JHY: variants seen among roughly 807,000 people sequenced by gnomAD.
JHY encodes the protein junctional cadherin complex regulator, also known as jhy protein homolog.
In JHY, 69 loss-of-function variants were observed where a neutral mutation model predicts 78.0. That is an observed-to-expected ratio of 0.88 (90% CI 0.73 to 1.08). The LOEUF is 1.08. JHY is among the 50% of genes least tolerant of loss of function. The probability of loss-of-function intolerance (pLI) is 0.00; values close to 1 mark genes in which losing one functional copy is unlikely to be tolerated. For synonymous variants in JHY, 368 were observed against 342.6 expected (o/e 1.07, Z -0.82); for missense variants, 944 against 927.8 (o/e 1.02, Z -0.23).
At chr11:122,957,304 TAGAGAGCAG>T in intron 7 of JHY, 50 bp from the exon 8 acceptor site, 1 of 1,478,678 alleles carries the variant, frequency 6.8e-7, no homozygotes, top group South Asian at 1.5e-5. Context: ...TCGCTTTAAA[TAGAGAGCAG>T]AGAGAACTAG....
In JHY at chr11:122,898,494, A is replaced by C. The variant is rs1159888479; in HGVS notation, c.345-5431A>C. On this transcript the variant is annotated intron_variant, in intron 2 of 8. Coordinates refer to ENST00000227349, the MANE Select transcript of JHY (RefSeq NM_024806.4). This position sits in a 1 kb window ranked among gnomAD's most constrained non-coding sequence, Gnocchi z 4.4. ...CTTAACATTGTTCCAAGGAAAAAAA[A>C]CTGAAGACTCACAACAAACATTCCC... 3.9e-5 allele frequency among the ~76,000 whole-genome samples: 6 copies of C among 152,168 alleles called. No individual in the cohort carries two copies. Among genetic ancestry groups the C allele is most frequent in the Non-Finnish European group, 8.8e-5 (6 of 68,032 alleles).
At chr11:122,954,116 A>G (rs1337217507) in intron 6 of JHY, among the ~76,000 whole-genome samples, 1 of 152,234 alleles carries the variant, frequency 6.6e-6, no homozygotes, top group Non-Finnish European at 1.5e-5. Context: ...CAATTAGTCC[A>G]CAAGTGATTG....
At chr11:122,927,053 A>G (rs1863523888) in intron 4 of JHY, 1 of 152,260 alleles carries the variant, frequency 6.6e-6, no homozygotes, top group South Asian at 2.1e-4. Flanking sequence ...CAGTGGCAAC[A>G]TCATAACCAG....
At chr11:122,903,819 C>A in intron 2 of JHY, 106 bp from the exon 3 acceptor site, 1 of 1,416,442 alleles carries the variant, frequency 7.1e-7, no homozygotes, top group Non-Finnish European at 9.5e-7. Flanking sequence ...AAAAGGAAAA[C>A]TATAGGAGAA....
rs775934534 is a variant in JHY at position 122,885,892 on chromosome 11, C to T, written c.43C>T (p.Pro15Ser). ...AATTCCCAAGCTCTCTATTCAATCT[C>T]CTGTCCTTCATACCAACTTAAATGT... Reference protein sequence around the residue: ...KLIPKLSIQSPVLHTNLNVQS... With the variant: ...KLIPKLSIQSSVLHTNLNVQS... The change falls in exon 2 of 9, where the codon CCT (proline) becomes TCT (serine). Residue 15 changes from proline (P) to serine (S), a missense_variant. Pro to Ser is a moderately conservative substitution (Grantham distance 74, BLOSUM62 -1). Transcript: ENST00000227349. The T allele has an allele frequency of 6.2e-7, 1 of 1,614,056 alleles. No individual in the cohort carries two copies. The highest frequency in any genetic ancestry group is 1.1e-5 in the South Asian group (1 of 91,060).
intron 5 of JHY, among the ~76,000 whole-genome samples, chr11:122,943,153 G>A (rs188056101): frequency 1.3e-5 from 2 of 152,210 alleles, no homozygotes; most frequent in Non-Finnish European, 2.9e-5. Flanking sequence ...GGGATTACAG[G>A]CACAAGCCAC....
chr11:122,941,701 T>C (rs1185345830), intron 5 of JHY, among the ~76,000 whole-genome samples: 1 of 152,180 alleles, frequency 6.6e-6, no homozygotes, highest in East Asian at 1.9e-4. Flanking sequence ...AGGATTTTCT[T>C]TTCTTCTCAT....
chr11:122,913,904 G>A (rs1382444493), intron 3 of JHY, among the ~76,000 whole-genome samples: 1 of 151,638 alleles, frequency 6.6e-6, no homozygotes, highest in African/African-American at 2.4e-5. Context: ...TTTTCCTTTG[G>A]TTCAAAATTT....
intron 5 of JHY, among the ~76,000 whole-genome samples, chr11:122,940,501 A>G (rs1198940846): frequency 6.6e-6 from 1 of 152,244 alleles, no homozygotes; most frequent in Non-Finnish European, 1.5e-5. Context: ...ACTTTTTATT[A>G]CATTATACCA....
At chr11:122,953,601 CAAAAA>C (rs201261407) in intron 6 of JHY, among the ~76,000 whole-genome samples, 1 of 64,460 alleles carries the variant, frequency 1.6e-5, no homozygotes, top group African/African-American at 5.8e-5. Flanking sequence ...CACTCCATCT[CAAAAA>C]AAAAAAAAAA....
At chr11:122,902,112 G>T (rs1477499929) in intron 2 of JHY, among the ~76,000 whole-genome samples, 1 of 143,870 alleles carries the variant, frequency 7.0e-6, no homozygotes, top group Non-Finnish European at 1.6e-5. Context: ...CTGTTTCACA[G>T]TTAACTTTTT....
rs953349724 is a variant in JHY, at chr11:122,935,670, A to G, written c.1634+595A>G. ...AACATCAGTGTGTTTGGGGGTTGCA[A>G]GTAATGTTTGGAGGAAACAAATGAT... On this transcript the variant is annotated intron_variant, in intron 5 of 8. Coordinates refer to ENST00000227349, the MANE Select transcript of JHY (RefSeq NM_024806.4). This position sits in a 1 kb window ranked among gnomAD's most constrained non-coding sequence, Gnocchi z 4.5. Among the ~76,000 whole-genome samples the G allele has an allele frequency of 7.2e-5, 11 of 152,212 alleles. No homozygotes were observed. The highest frequency in any genetic ancestry group is 2.7e-4 in the African/African-American group (11 of 41,456).
intron 3 of JHY, among the ~76,000 whole-genome samples, chr11:122,910,280 G>A (rs148331604): frequency 0.013 from 2,015 of 152,096 alleles, 44 homozygotes; most frequent in African/African-American, 0.042. Flanking sequence ...TTTGAGACCC[G>A]CCTGACCAAC....
At chr11:122,927,673 A>G (rs929310745) in intron 4 of JHY, among the ~76,000 whole-genome samples, 1 of 151,168 alleles carries the variant, frequency 6.6e-6, no homozygotes, top group Non-Finnish European at 1.5e-5. Context: ...AGGGCCTGCC[A>G]TATTGGGCCG....
intron 5 of JHY, among the ~76,000 whole-genome samples, chr11:122,938,847 C>T (rs1262385090): frequency 6.6e-6 from 1 of 151,966 alleles, no homozygotes; most frequent in Non-Finnish European, 1.5e-5. Context: ...GATTTATTAT[C>T]TGTGCTTGGT....
chr11:122,963,078 C>T lies in JHY; in HGVS notation c.*3633C>T, dbSNP rs569788786. Among the ~76,000 whole-genome samples, 1 of 152,052 alleles carries T rather than the reference C, an allele frequency of 6.6e-6. No homozygotes were observed. Among genetic ancestry groups the T allele is most frequent in the Non-Finnish European group, 1.5e-5 (1 of 67,990 alleles). On this transcript the variant is annotated 3_prime_UTR_variant, in exon 9 of 9. Coordinates refer to ENST00000227349, the MANE Select transcript of JHY (RefSeq NM_024806.4). ...CATGTACAATCTGCCAACTTCCTTA[C>T]AACATTGATAAAAGTAGAATACACA...
intron 3 of JHY, 141 bp downstream of exon 3, chr11:122,904,585 C>A: frequency 1.1e-6 from 1 of 933,704 alleles, no homozygotes; most frequent in Non-Finnish European, 1.6e-6. Context: ...CTTCCATAGG[C>A]TATCCTGTAT....
Position 122,919,352 on chromosome 11 carries a change from CAAAAAAAAAAA to C in JHY, c.865-5531_865-5521del, listed in dbSNP as rs72233254. ...TGGGCAACAGAGAGAGACTCTGTCT[CAAAAAAAAAAA>C]AAAAAAAAAAAAAGAAGTGAAGGGG... On this transcript the variant is annotated intron_variant, in intron 3 of 8. Transcript: ENST00000227349. 9.2e-3 allele frequency among the ~76,000 whole-genome samples: 642 copies of C among 70,094 alleles called. 6 individuals carry two copies. The highest frequency in any genetic ancestry group is 0.026 in the African/African-American group (556 of 21,570). 46.0% of individuals were successfully genotyped at this position (70,094 alleles called of 152,430 possible).
intron 5 of JHY, among the ~76,000 whole-genome samples, chr11:122,937,995 C>G (rs1185876242): frequency 2.0e-5 from 3 of 148,372 alleles, no homozygotes. Flanking sequence ...ATTCCTGATC[C>G]TTTGTATATA....
Sources: allele counts gnomAD v4.1 joint callset (sites outside exome capture counted in the v4.1 genomes callset), GRCh38; gene constraint gnomAD v4.1.1; non-coding constraint Gnocchi (gnomAD v3.1); transcripts MANE v1.5; gene names NCBI Gene and HGNC (gene_info 2026-07-23, HGNC 2026-07-21).